UBL3: variants seen among roughly 807,000 people sequenced by gnomAD.
UBL3 encodes ubiquitin like 3, also known as ubiquitin-like protein 3.
UBL3 carries 6 observed loss-of-function variants against 18.4 expected under a neutral mutation model. The ratio of observed to expected loss-of-function variants is 0.33; its 90% CI spans 0.18 to 0.64. The LOEUF (loss-of-function observed/expected upper bound fraction) is 0.64. Ranked by LOEUF, UBL3 falls within the 30% of genes least tolerant of loss-of-function variation. The pLI is 0.76. For synonymous variants in UBL3, 49 were observed against 46.6 expected (o/e 1.05, Z -0.21); for missense variants, 109 against 142.9 (o/e 0.76, Z 1.21).
intron 1 of UBL3, among the ~76,000 whole-genome samples, chr13:29,807,946 T>C (rs1877938649): frequency 6.6e-6 from 1 of 152,178 alleles, no homozygotes. Context: ...TGGTTAAACG[T>C]ATTACAATAG....
intron 1 of UBL3, among the ~76,000 whole-genome samples, chr13:29,830,943 C>A (rs1878755254): frequency 6.6e-6 from 1 of 152,156 alleles, no homozygotes; most frequent in African/African-American, 2.4e-5. Context: ...TACAATATTC[C>A]TCACCTCCTT....
chr13:29,818,523 T>C (rs1208225370), intron 1 of UBL3, among the ~76,000 whole-genome samples: 1 of 152,168 alleles, frequency 6.6e-6, no homozygotes, highest in Non-Finnish European at 1.5e-5. Flanking sequence ...GGCCAATCAA[T>C]CACCTGACAA....
chr13:29,782,669 A>T (rs1166106688), intron 1 of UBL3, among the ~76,000 whole-genome samples: 1 of 152,164 alleles, frequency 6.6e-6, no homozygotes, highest in Non-Finnish European at 1.5e-5. Flanking sequence ...GTAGTTTGGA[A>T]GTATAAAATG....
chr13:29,769,685 T>C (rs1298145254), intron 3 of UBL3, among the ~76,000 whole-genome samples: 1 of 152,108 alleles, frequency 6.6e-6, no homozygotes, highest in Non-Finnish European at 1.5e-5. Context: ...GATCATCTTC[T>C]TCACCCTCCG....
chr13:29,801,415 G>A (rs1379377442), intron 1 of UBL3, among the ~76,000 whole-genome samples: 1 of 152,168 alleles, frequency 6.6e-6, no homozygotes. Context: ...AAGAGCCTGA[G>A]AGCTTTATTC....
chr13:29,774,382 A>AT (rs1175796344), intron 2 of UBL3, among the ~76,000 whole-genome samples: 2 of 152,056 alleles, frequency 1.3e-5, no homozygotes, highest in African/African-American at 2.4e-5. Flanking sequence ...ATCAAAAGCT[A>AT]TTACTTACTA....
intron 1 of UBL3, among the ~76,000 whole-genome samples, chr13:29,780,797 C>A (rs143792556): frequency 1.3e-3 from 195 of 152,282 alleles, no homozygotes; most frequent in African/African-American, 4.4e-3. Context: ...TCAGGACTCT[C>A]TTGCTGCCAA....
rs9551748 is a variant in UBL3, at chr13:29,827,266, T to C, written c.27+22246A>G. On this transcript the variant is annotated intron_variant, in intron 1 of 4. Transcript: ENST00000380680. ...GTTAACTTTGTCTCGTTGATCTGTCTAATGTTGACAGTGGGGTGTTAAAGT... is the reference window on the plus strand; with the variant it reads ...GTTAACTTTGTCTCGTTGATCTGTCCAATGTTGACAGTGGGGTGTTAAAGT... Among the ~76,000 whole-genome samples the C allele has an allele frequency of 1.2e-4, 19 of 152,358 alleles. No homozygotes were observed. The East Asian group carries it at 3.7e-3, about 29-fold the overall frequency.
chr13:29,790,953 T>C (rs1157203987), intron 1 of UBL3, among the ~76,000 whole-genome samples: 4 of 152,134 alleles, frequency 2.6e-5, no homozygotes, highest in African/African-American at 7.2e-5. Context: ...TGTCACCCAT[T>C]TGGAATATTC....
At chr13:29,777,641 C>T (rs17073876) in intron 1 of UBL3, among the ~76,000 whole-genome samples, 2,421 of 151,808 alleles carry the variant, frequency 0.016, 54 homozygotes, top group African/African-American at 0.054. Context: ...CTGCAGGTCT[C>T]GTCACTAAAC....
chr13:29,833,455 A>G (rs1279445536), intron 1 of UBL3, among the ~76,000 whole-genome samples: 1 of 152,270 alleles, frequency 6.6e-6, no homozygotes, highest in Non-Finnish European at 1.5e-5. Flanking sequence ...GACAGAAAAC[A>G]AATACCACAA....
intron 1 of UBL3, among the ~76,000 whole-genome samples, chr13:29,829,806 T>G (rs749086993): frequency 5.3e-5 from 8 of 152,222 alleles, no homozygotes; most frequent in African/African-American, 9.7e-5. Flanking sequence ...AGACTGGTGC[T>G]GTTCCTATTC....
Position 29,832,018 on chromosome 13 carries a change from G to A in UBL3, c.27+17494C>T, listed in dbSNP as rs112456398. 8.2e-4 allele frequency among the ~76,000 whole-genome samples: 125 copies of A among 152,288 alleles called. 1 individual carries two copies. Among genetic ancestry groups the A allele is most frequent in the South Asian group, 1.2e-3 (6 of 4,826 alleles). On this transcript the variant is annotated intron_variant, in intron 1 of 4. Coordinates refer to ENST00000380680, the MANE Select transcript of UBL3 (RefSeq NM_007106.4). ...AATAGACACAAGTAGCCCAGCACGT[G>A]GCTACCTTACTAGACGACACAATAA...
At chr13:29,781,891 T>C (rs1408840316) in intron 1 of UBL3, among the ~76,000 whole-genome samples, 1 of 147,710 alleles carries the variant, frequency 6.8e-6, no homozygotes, top group Non-Finnish European at 1.5e-5. Flanking sequence ...CTAGCTACTC[T>C]GGAGGCTGAG....
At chr13:29,822,611 C>T (rs1041579563) in intron 1 of UBL3, among the ~76,000 whole-genome samples, 1 of 152,172 alleles carries the variant, frequency 6.6e-6, no homozygotes, top group Non-Finnish European at 1.5e-5. Flanking sequence ...AATCACAGCT[C>T]ACTGCAGTCT....
At chr13:29,771,004 C>T (rs1446925810) in intron 3 of UBL3, among the ~76,000 whole-genome samples, 1 of 151,998 alleles carries the variant, frequency 6.6e-6, no homozygotes, top group African/African-American at 2.4e-5. Context: ...TACTTTAGCC[C>T]TTATTGCCCA....
chr13:29,775,060 C>T (rs1055497169), intron 2 of UBL3, among the ~76,000 whole-genome samples: 9 of 152,182 alleles, frequency 5.9e-5, no homozygotes, highest in African/African-American at 2.2e-4. Flanking sequence ...TTTATGGTGA[C>T]TCTACAGACA....
At chr13:29,768,791 C>A (rs899285075) in intron 3 of UBL3, among the ~76,000 whole-genome samples, 5 of 152,000 alleles carry the variant, frequency 3.3e-5, no homozygotes, top group African/African-American at 1.2e-4. Context: ...ACTTCCTAGG[C>A]CTGACTTAAA....
intron 1 of UBL3, among the ~76,000 whole-genome samples, chr13:29,831,345 T>C (rs1002374372): frequency 1.4e-4 from 22 of 152,118 alleles, no homozygotes; most frequent in African/African-American, 5.3e-4. Context: ...ATCCCAGCAC[T>C]TTGGGAGGCC....
Sources: gnomAD v4.1 joint callset for allele counts (sites outside exome capture counted in the v4.1 genomes callset) on GRCh38, gnomAD v4.1.1 for gene constraint, MANE v1.5 for transcripts, NCBI Gene and HGNC (gene_info 2026-07-23, HGNC 2026-07-21) for gene names.